Variants in C16orf78 observed in about 807,000 individuals in gnomAD.
C16orf78 encodes chromosome 16 open reading frame 78, also known as uncharacterized protein C16orf78.
C16orf78 carries 19 observed loss-of-function variants against 27.3 expected under a neutral mutation model. The ratio of observed to expected loss-of-function variants is 0.70; its 90% confidence interval spans 0.49 to 1.02. C16orf78 has a LOEUF of 1.02. Ranked by LOEUF, C16orf78 falls within the 50% of genes least tolerant of loss-of-function variation. The probability of loss-of-function intolerance (pLI) is 0.00; values close to 1 mark genes in which losing one functional copy is unlikely to be tolerated. For synonymous variants in C16orf78, 130 were observed against 116.1 expected (o/e 1.12, Z -0.77); for missense variants, 339 against 337.0 (o/e 1.01, Z -0.05).
Position 49,380,676 on chromosome 16 carries a change from C to A in C16orf78, c.394+2083C>A, listed in dbSNP as rs1304548919. On this transcript the variant is annotated intron_variant, in intron 3 of 4. Transcript: ENST00000299191. ...TCAATTTTGGCTTCTGTTGCCATTG[C>A]TTTTGGTGTTTTAGACATGAAGTCC... Among the ~76,000 whole-genome samples, 4 of 152,286 alleles carry A rather than the reference C, an allele frequency of 2.6e-5. No individual in the cohort carries two copies. In the East Asian group the frequency reaches 5.8e-4, roughly 22 times the overall value.
chr16:49,392,871 G>A, intron 3 of C16orf78, among the ~76,000 whole-genome samples: 1 of 152,138 alleles, frequency 6.6e-6, no homozygotes, highest in East Asian at 1.9e-4. Flanking sequence ...ACAATTCCCA[G>A]GTATTGTGAG....
At chr16:49,385,751 G>C (rs144014932) in intron 3 of C16orf78, among the ~76,000 whole-genome samples, 3 of 151,020 alleles carry the variant, frequency 2.0e-5, no homozygotes, top group African/African-American at 7.3e-5. Context: ...AAAACATACC[G>C]CTCCAAAAAG....
intron 1 of C16orf78, among the ~76,000 whole-genome samples, chr16:49,377,461 TG>T (rs991640187): frequency 2.0e-5 from 3 of 151,130 alleles, no homozygotes; most frequent in Non-Finnish European, 4.4e-5. Context: ...GGCCCTTATG[TG>T]GGGGGTGATG....
In C16orf78 at chr16:49,396,480, G is replaced by A. The variant is rs201386248; in HGVS notation, c.452G>A (p.Arg151His). The stretch of plus-strand genomic sequence containing the variant: ...TCCACTCAGCGGCCAAACCCATTCC[G>A]TCGACAAAGCATTGTCTTAGATCCC... ...PESTQRPNPF[R>H]RQSIVLDPML... Residue 151 changes from arginine to histidine, a missense_variant, in exon 4 of 5, where the codon CGT (arginine) becomes CAT (histidine). By Grantham distance (29) the Arg-to-His change is conservative. Coordinates refer to ENST00000299191, the MANE Select transcript of C16orf78 (RefSeq NM_144602.4). 3.2e-4 allele frequency: 513 copies of A among 1,614,096 alleles called. No homozygotes were observed. Among genetic ancestry groups the A allele is most frequent in the Non-Finnish European group, 4.2e-4 (490 of 1,180,000 alleles).
chr16:49,392,796 G>A (rs1459768185), intron 3 of C16orf78, among the ~76,000 whole-genome samples: 1 of 152,160 alleles, frequency 6.6e-6, no homozygotes, highest in Non-Finnish European at 1.5e-5. Context: ...TATCACCCAA[G>A]TAGTGAGCAT....
chr16:49,395,952 G>T (rs1965466843), intron 3 of C16orf78, among the ~76,000 whole-genome samples: 1 of 152,066 alleles, frequency 6.6e-6, no homozygotes, highest in Non-Finnish European at 1.5e-5. Flanking sequence ...AATAAAGAAG[G>T]AGAACCTGGG....
chr16:49,375,075 A>G (rs982351033), intron 1 of C16orf78, among the ~76,000 whole-genome samples: 10 of 152,206 alleles, frequency 6.6e-5, no homozygotes, highest in Non-Finnish European at 1.5e-4. Flanking sequence ...GCTACCAGGG[A>G]GGCACCATTT....
chr16:49,389,077 C>A (rs1173660436), intron 3 of C16orf78, among the ~76,000 whole-genome samples: 1 of 152,042 alleles, frequency 6.6e-6, no homozygotes, highest in African/African-American at 2.4e-5. Context: ...TCTTTTAGAC[C>A]AAATATTGTT....
chr16:49,396,616 A>C lies in C16orf78; in HGVS notation c.588A>C (p.Lys196Asn). ...GCAAGCTAAAGAGCCTCATGGAGAA[A>C]AGCACCGAACCTAAGATGGAAACCA... ...YERKLKSLME[K>N]STEPKMETMR... The change falls in exon 4 of 5, where the codon AAA becomes AAC. Residue 196 changes from lysine (K) to asparagine (N), a missense_variant. Transcript: ENST00000299191. 1 of 1,613,854 alleles carries C rather than the reference A, an allele frequency of 6.2e-7. No individual in the cohort carries two copies. The highest frequency in any genetic ancestry group is 8.5e-7 in the Non-Finnish European group (1 of 1,180,032).
At chr16:49,395,769 G>A (rs1965463519) in intron 3 of C16orf78, among the ~76,000 whole-genome samples, 1 of 152,078 alleles carries the variant, frequency 6.6e-6, no homozygotes, top group Admixed American at 6.5e-5. Flanking sequence ...CCTTCCCTGG[G>A]ATATCAGAAG....
Position 49,378,568 on chromosome 16 carries a change from C to T in C16orf78, c.369C>T (p.Tyr123=). 1 of 1,613,968 alleles carries T rather than the reference C, an allele frequency of 6.2e-7. No homozygotes were observed. ...GKHLSMVPGS[Y]IKDGPKKSDT... is the part of the protein sequence containing the mutation. The stretch of plus-strand genomic sequence containing the variant: ...ACCTCAGCATGGTCCCTGGCAGCTA[C>T]ATCAAGGATGGCCCCAAGAAATCTG... Residue 123 remains tyrosine, a synonymous_variant, in exon 3 of 5, where the codon TAC becomes TAT. Coordinates refer to ENST00000299191, the MANE Select transcript of C16orf78 (RefSeq NM_144602.4).
Position 49,399,317 on chromosome 16 carries a change from A to T in C16orf78, c.*39A>T. 1 of 1,608,606 alleles carries T rather than the reference A, an allele frequency of 6.2e-7. No individual in the cohort carries two copies. Among genetic ancestry groups the T allele is most frequent in the South Asian group, 1.1e-5 (1 of 90,344 alleles). ...CCACCACCTTCAGGCTCCTTCTGTCATGGGACCCTTCACCTCCAGATGCCA... is the reference window on the plus strand; with the variant it reads ...CCACCACCTTCAGGCTCCTTCTGTCTTGGGACCCTTCACCTCCAGATGCCA... On this transcript the variant is annotated 3_prime_UTR_variant, in exon 5 of 5. Coordinates refer to ENST00000299191, the MANE Select transcript of C16orf78 (RefSeq NM_144602.4).
chr16:49,397,429 A>C (rs1027910162), intron 4 of C16orf78, among the ~76,000 whole-genome samples: 2 of 152,356 alleles, frequency 1.3e-5, no homozygotes, highest in Non-Finnish European at 1.5e-5. Context: ...ATGTCTGGCA[A>C]TCTAATAACT....
chr16:49,396,413 C>T lies in C16orf78; in HGVS notation c.395-10C>T. On this transcript the variant is annotated splice_polypyrimidine_tract_variant and intron_variant, in intron 3 of 4. Transcript: ENST00000299191. The stretch of plus-strand genomic sequence containing the variant: ...GGTCTAACTCTTTGATGGCATCTGT[C>T]CAATTTCAGATACAGACATCAAGGA... 1 of 1,613,692 alleles carries T rather than the reference C, an allele frequency of 6.2e-7. No homozygotes were observed. The highest frequency in any genetic ancestry group is 8.5e-7 in the Non-Finnish European group (1 of 1,179,752).
At position 49,399,183 on chromosome 16, in the gene C16orf78, G is replaced by C; in HGVS notation, c.703G>C (p.Asp235His). Residue 235 changes from aspartate (D) to histidine (H), a missense_variant, in exon 5 of 5, where the codon GAT becomes CAT. Transcript: ENST00000299191. ...NIRTLLKLCK[D>H]AGMNVDIHPH... ...TCGGACCTTGCTCAAGTTGTGCAAGGATGCAGGAATGAATGTGGATATCCA... is the reference window on the plus strand; with the variant it reads ...TCGGACCTTGCTCAAGTTGTGCAAGCATGCAGGAATGAATGTGGATATCCA... 6.2e-7 allele frequency: 1 copy of C among 1,614,194 alleles called. No individual in the cohort carries two copies. Among genetic ancestry groups the C allele is most frequent in the East Asian group, 2.2e-5 (1 of 44,880 alleles).
intron 3 of C16orf78, among the ~76,000 whole-genome samples, chr16:49,385,957 C>T (rs974030210): frequency 1.3e-4 from 20 of 152,232 alleles, no homozygotes; most frequent in African/African-American, 2.9e-4. Flanking sequence ...TCCAACTATA[C>T]GCTGCCCATG....
Position 49,399,308 on chromosome 16 carries a change from C to G in C16orf78, c.*30C>G. On this transcript the variant is annotated 3_prime_UTR_variant, in exon 5 of 5. Transcript: ENST00000299191. ...CTCCTCTCGCCACCACCTTCAGGCT[C>G]CTTCTGTCATGGGACCCTTCACCTC... 6.2e-7 allele frequency: 1 copy of G among 1,611,882 alleles called. No homozygotes were observed. Among genetic ancestry groups the G allele is most frequent in the Non-Finnish European group, 8.5e-7 (1 of 1,178,954 alleles).
intron 1 of C16orf78, among the ~76,000 whole-genome samples, chr16:49,377,279 G>A (rs953613190): frequency 1.3e-5 from 2 of 152,126 alleles, no homozygotes; most frequent in African/African-American, 4.8e-5. Context: ...GGGGTGCTCC[G>A]GGACCAAGGG....
At chr16:49,376,450 G>A (rs1287165850) in intron 1 of C16orf78, among the ~76,000 whole-genome samples, 1 of 152,166 alleles carries the variant, frequency 6.6e-6, no homozygotes, top group Non-Finnish European at 1.5e-5. Flanking sequence ...GATTGAGTGG[G>A]GGATGGTGGA....
Sources: allele counts gnomAD v4.1 joint callset (sites outside exome capture counted in the v4.1 genomes callset), GRCh38; gene constraint gnomAD v4.1.1; transcripts MANE v1.5; gene names NCBI Gene and HGNC (gene_info 2026-07-23, HGNC 2026-07-21).